NUP210L: variants seen among roughly 807,000 people sequenced by gnomAD.
NUP210L encodes nucleoporin 210 like.
NUP210L carries 74 observed loss-of-function variants against 208.5 expected under a neutral mutation model. The ratio of observed to expected loss-of-function variants is 0.35; its 90% CI spans 0.29 to 0.43. The LOEUF is 0.43. Ranked by LOEUF, NUP210L falls within the 20% of genes least tolerant of loss-of-function variation. The probability of loss-of-function intolerance (pLI) is 1.00; values close to 1 mark genes in which losing one functional copy is unlikely to be tolerated. For missense variants in NUP210L, 1,843 were observed against 2,289.4 expected, an observed-to-expected ratio of 0.81 and a Z score of 3.98; for synonymous variants, 780 against 816.9, an observed-to-expected ratio of 0.95 and a Z score of 0.77.
chr1:154,043,825 C>A (rs948588394), intron 27 of NUP210L, among the ~76,000 whole-genome samples: 2 of 147,868 alleles, frequency 1.4e-5, no homozygotes, highest in Non-Finnish European at 3.0e-5. Context: ...CGGGGTTACA[C>A]CATGTTGGCC....
At chr1:154,020,223 G>A (rs1651477518) in intron 32 of NUP210L, among the ~76,000 whole-genome samples, 1 of 152,188 alleles carries the variant, frequency 6.6e-6, no homozygotes, top group Non-Finnish European at 1.5e-5. Flanking sequence ...ACCAGAAGAG[G>A]CTGCAAAGCC....
chr1:154,098,136 T>C (rs1307613400), intron 14 of NUP210L, among the ~76,000 whole-genome samples: 1 of 152,230 alleles, frequency 6.6e-6, no homozygotes, highest in East Asian at 1.9e-4. Context: ...GCATGGGCAC[T>C]GGCTCTCTGC....
intron 34 of NUP210L, 115 bp downstream of exon 34, chr1:154,012,129 G>T: frequency 1.0e-6 from 1 of 985,596 alleles, no homozygotes; most frequent in Non-Finnish European, 1.5e-6. Flanking sequence ...TTGTCAAGAT[G>T]GAGTCAGTTT....
chr1:153,994,321 CCTT>C (rs1490669375), intron 38 of NUP210L, among the ~76,000 whole-genome samples: 1 of 151,988 alleles, frequency 6.6e-6, no homozygotes, highest in African/African-American at 2.4e-5. Flanking sequence ...AAGTTGAGGA[CCTT>C]TTTTTTTTGA....
chr1:154,007,065 C>T (rs149762781), intron 35 of NUP210L, among the ~76,000 whole-genome samples: 145 of 139,374 alleles, frequency 1.0e-3, no homozygotes, highest in African/African-American at 3.7e-3. Flanking sequence ...CTATTTCAAT[C>T]GATTCTCCTG....
At chr1:154,112,730 T>C (rs1657102862) in intron 12 of NUP210L, among the ~76,000 whole-genome samples, 1 of 151,764 alleles carries the variant, frequency 6.6e-6, no homozygotes, top group African/African-American at 2.4e-5. Flanking sequence ...GTGGTATACA[T>C]CTGTAGTCCC....
intron 37 of NUP210L, 61 bp from the exon 38 acceptor site, chr1:153,995,241 AT>A: frequency 1.7e-6 from 2 of 1,202,184 alleles, no homozygotes; most frequent in Non-Finnish European, 2.4e-6. Context: ...CAGATGCTGC[AT>A]TTTTTAAATT....
chr1:154,129,136 A>T (rs1658122648), intron 8 of NUP210L, 141 bp downstream of exon 8: 1 of 568,440 alleles, frequency 1.8e-6, no homozygotes, highest in Non-Finnish European at 3.1e-6. Context: ...GAACAATTTG[A>T]TAAAACATGT....
rs180957572 is a variant in NUP210L, at chr1:154,023,081, T to G, written c.4298+41A>C. 1,287 of 1,554,016 alleles carry G rather than the reference T, an allele frequency of 8.3e-4. 16 individuals carry two copies. The highest frequency in any genetic ancestry group is 2.3e-3 in the South Asian group (199 of 87,138). On this transcript the variant is annotated intron_variant, in intron 31 of 39. Transcript: ENST00000368559. ...TATAATACTAGCCTAATATGCAAGA[T>G]TTCTACCATAGTGTCAATACCATTC...
At chr1:154,054,477 T>A in intron 24 of NUP210L, 70 bp from the exon 25 acceptor site, 4 of 1,488,258 alleles carry the variant, frequency 2.7e-6, no homozygotes, top group Non-Finnish European at 2.8e-6. Flanking sequence ...CCCAACATTT[T>A]GTCCAAGCAA....
intron 16 of NUP210L, among the ~76,000 whole-genome samples, chr1:154,087,631 T>C (rs1453471313): frequency 6.6e-6 from 1 of 152,164 alleles, no homozygotes; most frequent in Non-Finnish European, 1.5e-5. Context: ...CAAAAAAACT[T>C]GTACATGAAT....
chr1:154,073,224 A>T (rs1654847933), intron 16 of NUP210L, among the ~76,000 whole-genome samples: 1 of 152,220 alleles, frequency 6.6e-6, no homozygotes, highest in Admixed American at 6.5e-5. Flanking sequence ...ACAATGTGAT[A>T]TCACCTTACT....
At chr1:154,030,954 C>T (rs566336445) in intron 27 of NUP210L, among the ~76,000 whole-genome samples, 8 of 152,290 alleles carry the variant, frequency 5.3e-5, no homozygotes, top group South Asian at 2.1e-4. Flanking sequence ...CCCTACGTTG[C>T]CCAGGCTGGT....
At position 154,060,772 on chromosome 1, in the gene NUP210L, C is replaced by T; in HGVS notation, c.2749-131G>A. 3 of 763,030 alleles carry T rather than the reference C, an allele frequency of 3.9e-6. No individual in the cohort carries two copies. In the South Asian group the frequency reaches 5.5e-5, roughly 14 times the overall value. 47.3% of individuals were successfully genotyped at this position (763,030 alleles called of 1,614,324 possible). On this transcript the variant is annotated intron_variant, in intron 19 of 39. Transcript: ENST00000368559. ...AAGTGAATAGACAAAAGACAAAATA[C>T]AATTATTAAAGTACAATTTTTAAGG...
intron 28 of NUP210L, among the ~76,000 whole-genome samples, chr1:154,028,301 T>C (rs1015433187): frequency 1.3e-5 from 2 of 152,202 alleles, no homozygotes; most frequent in East Asian, 3.8e-4. Flanking sequence ...AATGGACTTA[T>C]ATCGGCTGGA....
At chr1:154,061,437 G>A (rs2147998395) in intron 18 of NUP210L, 149 bp downstream of exon 18, 1 of 426,918 alleles carries the variant, frequency 2.3e-6, no homozygotes, top group East Asian at 3.8e-5. Context: ...AGCTCTATGG[G>A]AGAAGTTTCC....
At chr1:154,011,037 A>T (rs1165070970) in intron 34 of NUP210L, among the ~76,000 whole-genome samples, 1 of 152,010 alleles carries the variant, frequency 6.6e-6, no homozygotes, top group African/African-American at 2.4e-5. Flanking sequence ...CCTTAAGAGG[A>T]ATCATATAGA....
chr1:154,084,213 A>AT (rs757068435), intron 16 of NUP210L, among the ~76,000 whole-genome samples: 3,358 of 124,758 alleles, frequency 0.027, 97 homozygotes, highest in African/African-American at 0.075. Context: ...CTAATTTTTA[A>AT]TTTTTTTTTT....
intron 13 of NUP210L, among the ~76,000 whole-genome samples, chr1:154,100,435 T>A (rs1656401168): frequency 7.5e-6 from 1 of 133,938 alleles, no homozygotes. Context: ...TGGGCAAGAG[T>A]AAGACCTTAC....
Sources: allele counts gnomAD v4.1 joint callset (sites outside exome capture counted in the v4.1 genomes callset), GRCh38; gene constraint gnomAD v4.1.1; transcripts MANE v1.5; gene names NCBI Gene and HGNC (gene_info 2026-07-23, HGNC 2026-07-21).